The following CREB5 variants were observed in gnomAD, a reference collection of about 807,000 sequenced individuals.
The protein encoded by CREB5 is cyclic AMP-responsive element-binding protein 5.
In CREB5, 19 loss-of-function variants were observed where a neutral mutation model predicts 57.1. The ratio of observed to expected loss-of-function variants is 0.33; its 90% CI spans 0.23 to 0.49. The LOEUF (loss-of-function observed/expected upper bound fraction) is 0.49. CREB5 is among the 20% of genes least tolerant of loss of function. The pLI is 0.99. For missense variants in CREB5, 579 were observed against 671.6 expected (o/e 0.86, Z 1.52); for synonymous variants, 238 against 238.3 (o/e 1.00, Z 0.01).
At chr7:28,509,814 T>G (rs1792627861) in intron 4 of CREB5, among the ~76,000 whole-genome samples, 1 of 152,192 alleles carries the variant, frequency 6.6e-6, no homozygotes, top group African/African-American at 2.4e-5. Context: ...GATAGGTGTG[T>G]GGGTGGGGAA....
chr7:28,768,642 G>T (rs1352163954), intron 7 of CREB5, among the ~76,000 whole-genome samples: 1 of 152,166 alleles, frequency 6.6e-6, no homozygotes, highest in East Asian at 1.9e-4. Context: ...GAGGGAAGAA[G>T]AATTCTTGCA....
chr7:28,306,709 C>T (rs1206808525), intron 1 of CREB5, among the ~76,000 whole-genome samples: 49 of 151,964 alleles, frequency 3.2e-4, no homozygotes, highest in African/African-American at 1.0e-3. Context: ...TACAGGCGCC[C>T]GCCACTATGC....
chr7:28,571,683 G>A (rs1238839111), intron 5 of CREB5, among the ~76,000 whole-genome samples: 1 of 152,220 alleles, frequency 6.6e-6, no homozygotes, highest in African/African-American at 2.4e-5. Context: ...TTTCCAGGGA[G>A]CTTCTCAGAA....
At chr7:28,729,085 A>G (rs1342178162) in intron 7 of CREB5, among the ~76,000 whole-genome samples, 1 of 152,154 alleles carries the variant, frequency 6.6e-6, no homozygotes, top group Admixed American at 6.5e-5. Flanking sequence ...TAGGTTTGCA[A>G]TTTATTGAAT....
rs566488711 is a variant in CREB5, at chr7:28,428,105, G to A, written c.3+15188G>A. Among the ~76,000 whole-genome samples the A allele has an allele frequency of 2.6e-3, 400 of 152,328 alleles. 1 individual carries two copies. The highest frequency in any genetic ancestry group is 0.014 in the Middle Eastern group (4 of 294). ...ATGAGAGGAGAGCCACCAGGGAAGGGAGGAATTCCTATGGAGATGTGGAGA... is the reference window on the plus strand; with the variant it reads ...ATGAGAGGAGAGCCACCAGGGAAGGAAGGAATTCCTATGGAGATGTGGAGA... On this transcript the variant is annotated intron_variant, in intron 1 of 10. Transcript: ENST00000357727.
chr7:28,499,100 C>A (rs969646564), intron 3 of CREB5, among the ~76,000 whole-genome samples: 8 of 149,474 alleles, frequency 5.4e-5, no homozygotes, highest in Admixed American at 4.7e-4. Context: ...CGGGTAGGAA[C>A]CTAGGAATTT....
At chr7:28,386,692 G>A (rs1212064543) in intron 1 of CREB5, among the ~76,000 whole-genome samples, 2 of 152,116 alleles carry the variant, frequency 1.3e-5, no homozygotes, top group African/African-American at 2.4e-5. Flanking sequence ...ATTCTTTGCA[G>A]TTACCATTAC....
chr7:28,580,429 CCACACACACA>C (rs70977058), intron 5 of CREB5, among the ~76,000 whole-genome samples: 10 of 130,968 alleles, frequency 7.6e-5, no homozygotes, highest in Admixed American at 1.5e-4. Flanking sequence ...TCCCCCCCCA[CCACACACACA>C]CACACACACA....
chr7:28,789,710 G>T (rs1227981550), intron 7 of CREB5, among the ~76,000 whole-genome samples: 1 of 152,120 alleles, frequency 6.6e-6, no homozygotes, highest in African/African-American at 2.4e-5. Context: ...AAAGAGAAGT[G>T]TAACTGTTAT....
At chr7:28,670,449 A>G (rs1157449422) in intron 5 of CREB5, among the ~76,000 whole-genome samples, 1 of 152,230 alleles carries the variant, frequency 6.6e-6, no homozygotes, top group Admixed American at 6.5e-5. Context: ...TTTTAAATGT[A>G]TCTCTCCGTT....
intron 1 of CREB5, among the ~76,000 whole-genome samples, chr7:28,472,827 C>A (rs1379713919): frequency 6.6e-6 from 1 of 152,120 alleles, no homozygotes; most frequent in African/African-American, 2.4e-5. Flanking sequence ...TCAATCTTAG[C>A]CCTGGTTGAT....
chr7:28,603,468 C>T (rs1055983274), intron 5 of CREB5, among the ~76,000 whole-genome samples: 7 of 152,078 alleles, frequency 4.6e-5, no homozygotes, highest in African/African-American at 9.7e-5. Flanking sequence ...TGTTCCATGT[C>T]GTACCAGCTC....
intron 7 of CREB5, among the ~76,000 whole-genome samples, chr7:28,762,118 G>A (rs982599088): frequency 5.9e-5 from 9 of 152,192 alleles, no homozygotes; most frequent in East Asian, 3.9e-4. Context: ...TTCATGCAGC[G>A]TTACAATGGC....
chr7:28,715,717 G>C (rs1175210429), intron 5 of CREB5, among the ~76,000 whole-genome samples: 1 of 152,142 alleles, frequency 6.6e-6, no homozygotes, highest in Admixed American at 6.5e-5. Context: ...AATTCTGCTG[G>C]TTTGGTAGGT....
At chr7:28,517,366 T>A (rs576593423) in intron 4 of CREB5, among the ~76,000 whole-genome samples, 1 of 152,228 alleles carries the variant, frequency 6.6e-6, no homozygotes, top group East Asian at 1.9e-4. Flanking sequence ...GTTATTTCCA[T>A]ACTGAAAAGT....
At chr7:28,465,077 T>G (rs1341407434) in intron 1 of CREB5, among the ~76,000 whole-genome samples, 1 of 152,164 alleles carries the variant, frequency 6.6e-6, no homozygotes, top group African/African-American at 2.4e-5. Context: ...TGAGGGTGCC[T>G]CTTTATATAG....
At chr7:28,635,565 G>A (rs1392337230) in intron 5 of CREB5, among the ~76,000 whole-genome samples, 3 of 152,190 alleles carry the variant, frequency 2.0e-5, no homozygotes, top group African/African-American at 7.2e-5. Flanking sequence ...CTGACAAGCT[G>A]CGGAATCAAA....
chr7:28,652,820 A>G (rs1226843977), intron 5 of CREB5, among the ~76,000 whole-genome samples: 1 of 152,204 alleles, frequency 6.6e-6, no homozygotes, highest in Non-Finnish European at 1.5e-5. Context: ...CCGAATGTGT[A>G]ATTTTATTGT....
intron 1 of CREB5, among the ~76,000 whole-genome samples, chr7:28,393,071 T>C (rs1163907904): frequency 1.3e-5 from 2 of 152,132 alleles, no homozygotes; most frequent in East Asian, 1.9e-4. Context: ...ATTACAGGCA[T>C]GTGCCACCAC....
Sources: allele counts gnomAD v4.1 joint callset (sites outside exome capture counted in the v4.1 genomes callset), GRCh38; gene constraint gnomAD v4.1.1; transcripts MANE v1.5; gene names NCBI Gene and HGNC (gene_info 2026-07-23, HGNC 2026-07-21).